The following KCNQ5 variants were observed in gnomAD, a reference collection of about 807,000 sequenced individuals.
KCNQ5 encodes the protein potassium voltage-gated channel subfamily Q member 5.
In KCNQ5, 30 loss-of-function variants were observed where a neutral mutation model predicts 98.2. The ratio of observed to expected loss-of-function variants is 0.31; its 90% CI spans 0.23 to 0.41. The LOEUF (loss-of-function observed/expected upper bound fraction) is 0.41, where lower values mean the gene tolerates loss of function less well. Ranked by LOEUF, KCNQ5 falls within the 10% of genes least tolerant of loss-of-function variation. KCNQ5 has a pLI of 1.00. For missense variants in KCNQ5, 835 were observed against 1,182.5 expected (o/e 0.71, Z 4.31); for synonymous variants, 458 against 449.4 (o/e 1.02, Z -0.24).
At chr6:72,929,807 T>C (rs1432920900) in intron 1 of KCNQ5, among the ~76,000 whole-genome samples, 1 of 152,152 alleles carries the variant, frequency 6.6e-6, no homozygotes, top group Non-Finnish European at 1.5e-5. Context: ...TAATTGTTGA[T>C]GAAATTAATA....
chr6:73,186,517 G>A (rs928718147), intron 11 of KCNQ5, among the ~76,000 whole-genome samples: 1 of 152,178 alleles, frequency 6.6e-6, no homozygotes, highest in Non-Finnish European at 1.5e-5. Context: ...AATTTCTGTA[G>A]TGTAAATACT....
chr6:72,867,110 A>G (rs1414726004), intron 1 of KCNQ5, among the ~76,000 whole-genome samples: 1 of 152,222 alleles, frequency 6.6e-6, no homozygotes, highest in African/African-American at 2.4e-5. Flanking sequence ...TTGAAGGAAG[A>G]TAGTTTGAAA....
At position 73,198,717 on chromosome 6, in the gene KCNQ5, A is replaced by G. The variant is rs769186531; in HGVS notation, c.*3303A>G. 6 of 152,228 alleles carry G rather than the reference A, an allele frequency of 3.9e-5. No individual in the cohort carries two copies. The highest frequency in any genetic ancestry group is 7.3e-5 in the Non-Finnish European group (5 of 68,044). The allele number at this position is 152,228 out of a possible 1,614,324, so 9.4% of individuals were successfully genotyped here. The stretch of plus-strand genomic sequence containing the variant: ...GTTCTAAGTCATGTATGACAATGCA[A>G]TTGTCTGTTTCCTGAAAACAAATAA... On this transcript the variant is annotated 3_prime_UTR_variant, in exon 14 of 14. Coordinates refer to ENST00000370398, the MANE Select transcript of KCNQ5 (RefSeq NM_019842.4).
At chr6:72,943,646 G>A (rs1395015504) in intron 1 of KCNQ5, among the ~76,000 whole-genome samples, 2 of 152,156 alleles carry the variant, frequency 1.3e-5, no homozygotes, top group Non-Finnish European at 2.9e-5. Context: ...GAGACACAGT[G>A]GCACAGAGGT....
rs531573647 is a variant in KCNQ5 at position 72,745,855 on chromosome 6, T to C, written c.398+123268T>C. On this transcript the variant is annotated intron_variant, in intron 1 of 13. Transcript: ENST00000370398. Reference sequence around the variant, plus strand: ...TTCCTTGCCTCTTCCTAACATCTAGTGGTTCCTAGCAATCCTTGACCTGTG... The same window carrying C: ...TTCCTTGCCTCTTCCTAACATCTAGCGGTTCCTAGCAATCCTTGACCTGTG... Among the ~76,000 whole-genome samples the C allele has an allele frequency of 6.0e-4, 91 of 152,230 alleles. 1 individual carries two copies. Among genetic ancestry groups the C allele is most frequent in the African/African-American group, 2.1e-3 (86 of 41,554 alleles).
chr6:72,890,597 C>T (rs1319850912), intron 1 of KCNQ5, among the ~76,000 whole-genome samples: 4 of 151,988 alleles, frequency 2.6e-5, no homozygotes, highest in Non-Finnish European at 4.4e-5. Context: ...ACCACTGGCA[C>T]CATTTGAGAA....
chr6:73,149,703 G>A lies in KCNQ5; in HGVS notation c.1468+16062G>A, dbSNP rs146041875. ...TCCCCGCTACTCAGGAGGCTGAGGC[G>A]GAAGAATCGTTTGAACCTGGCAGGC... On this transcript the variant is annotated intron_variant, in intron 10 of 13. Coordinates refer to ENST00000370398, the MANE Select transcript of KCNQ5 (RefSeq NM_019842.4). 7.9e-3 allele frequency among the ~76,000 whole-genome samples: 1,198 copies of A among 151,926 alleles called. 22 individuals are homozygous for A. The highest frequency in any genetic ancestry group is 0.028 in the African/African-American group (1,145 of 41,432).
At chr6:72,704,598 C>A (rs1449023296) in intron 1 of KCNQ5, among the ~76,000 whole-genome samples, 3 of 150,848 alleles carry the variant, frequency 2.0e-5, no homozygotes, top group Non-Finnish European at 2.9e-5. Flanking sequence ...TTGATGGGTT[C>A]TTTCCTAAGA....
At chr6:72,733,341 C>T (rs1770652015) in intron 1 of KCNQ5, among the ~76,000 whole-genome samples, 1 of 152,054 alleles carries the variant, frequency 6.6e-6, no homozygotes, top group South Asian at 2.1e-4. Flanking sequence ...CTATAGATGT[C>T]AAGTAAAGTA....
intron 1 of KCNQ5, among the ~76,000 whole-genome samples, chr6:72,737,023 C>T (rs1219842848): frequency 1.3e-5 from 2 of 151,662 alleles, no homozygotes; most frequent in South Asian, 2.1e-4. Flanking sequence ...AACAGTGGCG[C>T]GATCTCAGCT....
At chr6:72,703,420 GTTTTGT>G (rs1254842143) in intron 1 of KCNQ5, among the ~76,000 whole-genome samples, 2 of 152,080 alleles carry the variant, frequency 1.3e-5, no homozygotes, top group Non-Finnish European at 2.9e-5. Flanking sequence ...TGGTTTGTTT[GTTTTGT>G]TTTTGTTTTT....
chr6:72,836,688 T>C (rs1390223999), intron 1 of KCNQ5, among the ~76,000 whole-genome samples: 3 of 152,148 alleles, frequency 2.0e-5, no homozygotes. Flanking sequence ...TCCTCTTGCC[T>C]CAAACTTACA....
intron 1 of KCNQ5, among the ~76,000 whole-genome samples, chr6:72,661,088 T>C (rs1363743389): frequency 1.3e-5 from 2 of 152,080 alleles, no homozygotes; most frequent in Non-Finnish European, 2.9e-5. Context: ...ATTTCAGATA[T>C]TCATGTCTAA....
chr6:73,124,960 TATATATATATATATATATATACACAC>T (rs199553582), intron 9 of KCNQ5, among the ~76,000 whole-genome samples: 2,743 of 15,402 alleles, frequency 0.18, 128 homozygotes, highest in East Asian at 0.39. Flanking sequence ...TATATATATA[TATATATATATATATATATATACACAC>T]ACACACATAT....
intron 1 of KCNQ5, among the ~76,000 whole-genome samples, chr6:72,795,814 T>C (rs1774301775): frequency 6.6e-6 from 1 of 152,184 alleles, no homozygotes; most frequent in South Asian, 2.1e-4. Flanking sequence ...CTAAAGTCTC[T>C]ATTATTATCA....
rs576798149 is a variant in KCNQ5, at chr6:72,704,885, T to G, written c.398+82298T>G. Among the ~76,000 whole-genome samples, 16 of 152,296 alleles carry G rather than the reference T, an allele frequency of 1.1e-4. No homozygotes were observed. The South Asian group carries it at 3.3e-3, about 32-fold the overall frequency. ...GTTGTTTACAGAGAAAATGTTAACTTTGTAAATTTTGTTATGCCCCCCTCA... is the reference window on the plus strand; with the variant it reads ...GTTGTTTACAGAGAAAATGTTAACTGTGTAAATTTTGTTATGCCCCCCTCA... On this transcript the variant is annotated intron_variant, in intron 1 of 13. Coordinates refer to ENST00000370398, the MANE Select transcript of KCNQ5 (RefSeq NM_019842.4).
rs572406401 is a variant in KCNQ5 at position 72,900,115 on chromosome 6, C to T, written c.399-103793C>T. Among the ~76,000 whole-genome samples the T allele has an allele frequency of 8.5e-5, 13 of 152,204 alleles. No individual in the cohort carries two copies. In the South Asian group the frequency reaches 2.5e-3, roughly 29 times the overall value. The stretch of plus-strand genomic sequence containing the variant: ...CCTCCCAAACTGCTGGGATTACAGG[C>T]GTCAGCCACTGCGCCTGGCCTATTG... On this transcript the variant is annotated intron_variant, in intron 1 of 13. Transcript: ENST00000370398.
rs1003395652 is a variant in KCNQ5, at chr6:72,904,690, G to A, written c.399-99218G>A. Among the ~76,000 whole-genome samples, 39 of 152,074 alleles carry A rather than the reference G, an allele frequency of 2.6e-4. 1 individual carries two copies. The highest frequency in any genetic ancestry group is 2.4e-3 in the Admixed American group (36 of 15,264). ...TTTGTTTGAAGAAGCTGAAGATTGG[G>A]CCCCAATCCCTTCTAGCTTGTAGGA... is the stretch of plus-strand genomic sequence containing the variant. On this transcript the variant is annotated intron_variant, in intron 1 of 13. Coordinates refer to ENST00000370398, the MANE Select transcript of KCNQ5 (RefSeq NM_019842.4).
chr6:72,777,475 A>G (rs949786157), intron 1 of KCNQ5, among the ~76,000 whole-genome samples: 1 of 152,260 alleles, frequency 6.6e-6, no homozygotes, highest in Non-Finnish European at 1.5e-5. Context: ...CCTAGTCTAT[A>G]CCACAGATCT....
Sources: gnomAD v4.1 joint callset for allele counts (sites outside exome capture counted in the v4.1 genomes callset) on GRCh38, gnomAD v4.1.1 for gene constraint, MANE v1.5 for transcripts, NCBI Gene and HGNC (gene_info 2026-07-23, HGNC 2026-07-21) for gene names.